Variants in NID2 observed in about 807,000 individuals in gnomAD.
NID2 encodes the protein nidogen-2.
Under a neutral mutation model 145.4 loss-of-function variants are expected in NID2, and 83 were observed. The ratio of observed to expected loss-of-function variants is 0.57; its 90% CI spans 0.48 to 0.69. NID2 has a LOEUF of 0.69. Ranked by LOEUF, NID2 falls within the 30% of genes least tolerant of loss-of-function variation. NID2 has a pLI of 0.00. For missense variants in NID2, 1,807 were observed against 1,765.7 expected, an observed-to-expected ratio of 1.02 and a Z score of -0.42; for synonymous variants, 739 against 701.3, an observed-to-expected ratio of 1.05 and a Z score of -0.85.
At chr14:52,018,579 TC>T (rs778740377) in intron 14 of NID2, among the ~76,000 whole-genome samples, 35 of 152,322 alleles carry the variant, frequency 2.3e-4, no homozygotes, top group Middle Eastern at 3.4e-3. Context: ...ACTAACTGGC[TC>T]CACTAGCAGG....
chr14:52,037,328 T>C (rs943675858), intron 9 of NID2, among the ~76,000 whole-genome samples: 3 of 152,146 alleles, frequency 2.0e-5, no homozygotes, highest in Non-Finnish European at 2.9e-5. Context: ...AGTTTTAGGG[T>C]ACATGTTTAC....
chr14:52,063,935 C>T (rs894317680), intron 2 of NID2, among the ~76,000 whole-genome samples: 3 of 152,236 alleles, frequency 2.0e-5, no homozygotes, highest in African/African-American at 7.2e-5. Context: ...CTTCCTGATA[C>T]TCTTCAGCAA....
intron 15 of NID2, 66 bp downstream of exon 15, chr14:52,014,988 G>A (rs1183294537): frequency 1.1e-5 from 15 of 1,340,552 alleles, no homozygotes; most frequent in Non-Finnish European, 1.6e-5. Context: ...CTTCACCACA[G>A]CAGGCACCAT....
At chr14:52,039,551 C>T (rs921780355) in intron 8 of NID2, among the ~76,000 whole-genome samples, 1 of 152,194 alleles carries the variant, frequency 6.6e-6, no homozygotes, top group Non-Finnish European at 1.5e-5. Flanking sequence ...GTGATCCGGA[C>T]ACTGACCATT....
Position 52,011,613 on chromosome 14 carries a change from C to T in NID2, c.3491G>A (p.Arg1164Gln), listed in dbSNP as rs769784950. The change falls in exon 17 of 22, where the codon CGG becomes CAG. Residue 1164 changes from arginine to glutamine, a missense_variant. Physicochemically the swap from Arg to Gln is conservative, Grantham distance 43. Coordinates refer to ENST00000216286, the MANE Select transcript of NID2 (RefSeq NM_007361.4). ...RMVYWTDVAG[R>Q]TISRAGLELG... ...TTCCAGACCAGCACGGCTGATTGTC[C>T]GTCCAGCAACATCTGTCCAGTACAC... 35 of 1,614,188 alleles carry T rather than the reference C, an allele frequency of 2.2e-5. No homozygotes were observed. Among genetic ancestry groups the T allele is most frequent in the Middle Eastern group, 1.7e-4 (1 of 6,058 alleles).
intron 3 of NID2, among the ~76,000 whole-genome samples, chr14:52,055,537 C>T (rs1462362543): frequency 6.6e-6 from 1 of 152,112 alleles, no homozygotes; most frequent in East Asian, 1.9e-4. Context: ...TCGTTTTCTC[C>T]ATGAGAAAAG....
chr14:52,030,490 AAAGAAAGAAAGAGAAAGAAAGAAAG>A (rs1891769074), intron 9 of NID2, among the ~76,000 whole-genome samples: 1 of 47,780 alleles, frequency 2.1e-5, no homozygotes, highest in Non-Finnish European at 5.2e-5. Context: ...GAAAAGAAAG[AAAGAAAGAAAGAGAAAGAAAGAAAG>A]AAAAGAAAGA....
chr14:52,030,133 T>A (rs528532998), intron 9 of NID2, among the ~76,000 whole-genome samples: 1 of 152,272 alleles, frequency 6.6e-6, no homozygotes, highest in Non-Finnish European at 1.5e-5. Flanking sequence ...AGACTCAGAC[T>A]CCAACTTCCT....
intron 5 of NID2, among the ~76,000 whole-genome samples, chr14:52,047,126 G>A (rs1378710736): frequency 1.3e-5 from 2 of 152,218 alleles, no homozygotes; most frequent in Non-Finnish European, 2.9e-5. Flanking sequence ...ATGGCAGGGA[G>A]CAAAAGAGAC....
chr14:52,053,448 G>A (rs1046240693), intron 5 of NID2, 131 bp downstream of exon 5: 1 of 983,896 alleles, frequency 1.0e-6, no homozygotes, highest in Non-Finnish European at 1.5e-6. Flanking sequence ...GAAACACAGG[G>A]ATTAAAAATT....
intron 12 of NID2, among the ~76,000 whole-genome samples, chr14:52,021,992 T>C (rs1177760798): frequency 6.6e-6 from 1 of 152,160 alleles, no homozygotes; most frequent in East Asian, 1.9e-4. Flanking sequence ...ATTAAAGCTA[T>C]TCACAATACG....
intron 12 of NID2, among the ~76,000 whole-genome samples, chr14:52,024,693 A>C (rs1259037061): frequency 6.6e-6 from 1 of 152,214 alleles, no homozygotes; most frequent in Non-Finnish European, 1.5e-5. Flanking sequence ...TGGGTTTGGC[A>C]TATTTTTAGT....
intron 10 of NID2, 53 bp downstream of exon 10, chr14:52,029,494 G>A (rs2140376853): frequency 1.3e-6 from 2 of 1,566,354 alleles, no homozygotes; most frequent in African/African-American, 1.3e-5. Context: ...GGCTGGGGAG[G>A]GCAGAGGAAA....
chr14:52,027,355 AAG>A lies in NID2; in HGVS notation c.2531-13_2531-12del. 6.6e-7 allele frequency: 1 copy of A among 1,526,114 alleles called. No homozygotes were observed. Among genetic ancestry groups the A allele is most frequent in the South Asian group, 1.3e-5 (1 of 77,988 alleles). The allele number at this position is 1,526,114 out of a possible 1,614,324, so 94.5% of individuals were successfully genotyped here. On this transcript the variant is annotated splice_polypyrimidine_tract_variant and intron_variant, in intron 11 of 21. Coordinates refer to ENST00000216286, the MANE Select transcript of NID2 (RefSeq NM_007361.4). ...CAGGTGGGGTGATCACTGAAAAGAG[AAG>A]AAGATAAGGGCATCCAGAGTTTAGG...
intron 9 of NID2, among the ~76,000 whole-genome samples, chr14:52,032,185 A>G (rs1891893233): frequency 6.6e-6 from 1 of 152,216 alleles, no homozygotes; most frequent in Non-Finnish European, 1.5e-5. Flanking sequence ...GAAACACCAC[A>G]GTGCATTCTT....
At chr14:52,035,176 T>G (rs895748520) in intron 9 of NID2, among the ~76,000 whole-genome samples, 1 of 152,204 alleles carries the variant, frequency 6.6e-6, no homozygotes, top group Non-Finnish European at 1.5e-5. Flanking sequence ...GACAGTTCTA[T>G]AGACTGACAA....
intron 14 of NID2, among the ~76,000 whole-genome samples, chr14:52,018,281 T>C (rs930089116): frequency 6.6e-6 from 1 of 152,272 alleles, no homozygotes; most frequent in Non-Finnish European, 1.5e-5. Context: ...TAAAACGGTA[T>C]CAAGCCAATC....
Position 52,060,221 on chromosome 14 carries a change from G to C in NID2, c.670C>G (p.Arg224Gly), listed in dbSNP as rs148705621. ...SYNVQLQLPA[R>G]VGFCRGEADD... ...GCCTCCCCTCGGCAGAAGCCCACCCGAGCTGGAAGCTGAAGCTGGACATTG... is the reference window on the plus strand; with the variant it reads ...GCCTCCCCTCGGCAGAAGCCCACCCCAGCTGGAAGCTGAAGCTGGACATTG... The change falls in exon 3 of 22, where the codon CGG becomes GGG. Residue 224 changes from arginine to glycine, a missense_variant. Transcript: ENST00000216286. The C allele has an allele frequency of 6.2e-6, 10 of 1,614,060 alleles. No homozygotes were observed. The South Asian group carries it at 1.1e-4, about 18-fold the overall frequency.
chr14:52,030,501 GA>G (rs1891773300), intron 9 of NID2, among the ~76,000 whole-genome samples: 2 of 34,884 alleles, frequency 5.7e-5, no homozygotes, highest in Non-Finnish European at 1.5e-4. Flanking sequence ...AAGAAAGAAA[GA>G]GAAAGAAAGA....
Sources: allele counts gnomAD v4.1 joint callset (sites outside exome capture counted in the v4.1 genomes callset), GRCh38; gene constraint gnomAD v4.1.1; transcripts MANE v1.5; gene names NCBI Gene and HGNC (gene_info 2026-07-23, HGNC 2026-07-21).